DLGAP4: variants seen among roughly 807,000 people sequenced by gnomAD.
The protein encoded by DLGAP4 is disks large-associated protein 4.
A neutral mutation model predicts 86.9 loss-of-function variants in DLGAP4; 18 were observed. That is an observed-to-expected ratio of 0.21 (90% CI 0.14 to 0.31). The LOEUF (loss-of-function observed/expected upper bound fraction) is 0.31. Among genes scored for constraint, DLGAP4 ranks in the 10% least tolerant of loss-of-function variants. DLGAP4 has a pLI of 1.00. For missense variants in DLGAP4, 1,085 were observed against 1,362.6 expected (o/e 0.80, Z 3.21); for synonymous variants, 548 against 574.3 (o/e 0.95, Z 0.65).
chr20:36,354,803 G>T (rs545260216), intron 1 of DLGAP4, among the ~76,000 whole-genome samples: 1 of 152,016 alleles, frequency 6.6e-6, no homozygotes, highest in Non-Finnish European at 1.5e-5. Flanking sequence ...TTGGCCAGGC[G>T]TGGTGGCGTG....
At chr20:36,400,629 C>T (rs917642390) in intron 2 of DLGAP4, among the ~76,000 whole-genome samples, 10 of 152,020 alleles carry the variant, frequency 6.6e-5, no homozygotes, top group African/African-American at 2.4e-4. Flanking sequence ...AACATTGCAG[C>T]CCAACTCCTT....
At chr20:36,326,449 A>T (rs2065216528) in intron 1 of DLGAP4, among the ~76,000 whole-genome samples, 1 of 152,192 alleles carries the variant, frequency 6.6e-6, no homozygotes, top group Non-Finnish European at 1.5e-5. Context: ...CTTTCAAGTG[A>T]TATTATATCA....
intron 7 of DLGAP4, among the ~76,000 whole-genome samples, chr20:36,470,846 T>C (rs2147662440): frequency 6.6e-6 from 1 of 152,330 alleles, no homozygotes; most frequent in South Asian, 2.1e-4. Flanking sequence ...TGGCTTTCCA[T>C]TGACGGATAG....
At chr20:36,514,732 G>A (rs374821386) in intron 10 of DLGAP4, among the ~76,000 whole-genome samples, 8 of 152,158 alleles carry the variant, frequency 5.3e-5, no homozygotes, top group South Asian at 2.1e-4. Context: ...TTTTTTTAAT[G>A]GAGCAATATA....
chr20:36,519,018 G>C (rs756675589), intron 10 of DLGAP4, among the ~76,000 whole-genome samples: 11 of 151,944 alleles, frequency 7.2e-5, no homozygotes, highest in Non-Finnish European at 1.0e-4. Context: ...TTGGGAGACT[G>C]AGGCAGGAGA....
At chr20:36,473,281 C>T (rs2034757051) in intron 7 of DLGAP4, 1 of 152,248 alleles carries the variant, frequency 6.6e-6, no homozygotes, top group Non-Finnish European at 1.5e-5. Context: ...GTCCTGAAAG[C>T]CAAAGGATGG....
chr20:36,408,406 C>T (rs1448687158), intron 2 of DLGAP4, among the ~76,000 whole-genome samples: 3 of 152,258 alleles, frequency 2.0e-5, no homozygotes, highest in South Asian at 2.1e-4. Flanking sequence ...TGTTTATCCA[C>T]CAGCTCCCCA....
At chr20:36,478,249 CA>C (rs1017268689) in intron 7 of DLGAP4, among the ~76,000 whole-genome samples, 2 of 152,144 alleles carry the variant, frequency 1.3e-5, no homozygotes, top group Non-Finnish European at 2.9e-5. Flanking sequence ...CCCCTGGATA[CA>C]GCGTGAGGAG....
intron 1 of DLGAP4, among the ~76,000 whole-genome samples, chr20:36,340,053 C>T (rs1341951447): frequency 4.6e-5 from 7 of 152,094 alleles, no homozygotes; most frequent in African/African-American, 7.2e-5. Flanking sequence ...ATGATCTTGC[C>T]GCCCACATGA....
intron 6 of DLGAP4, 22 bp from the exon 7 acceptor site, chr20:36,446,675 A>G: frequency 6.3e-7 from 1 of 1,581,616 alleles, no homozygotes; most frequent in East Asian, 2.3e-5. Flanking sequence ...CAGCTCCCTC[A>G]TGCCTGCCTT....
At chr20:36,378,678 C>A (rs1337287745) in intron 2 of DLGAP4, among the ~76,000 whole-genome samples, 1 of 151,904 alleles carries the variant, frequency 6.6e-6, no homozygotes, top group Admixed American at 6.6e-5. Context: ...CCATCTGAGT[C>A]TGGAGTTGCC....
chr20:36,452,368 G>A (rs1213679772), intron 7 of DLGAP4, among the ~76,000 whole-genome samples: 2 of 151,936 alleles, frequency 1.3e-5, no homozygotes, highest in African/African-American at 4.8e-5. Flanking sequence ...TTGTAGAGAT[G>A]GGGTCTCCTT....
At chr20:36,412,313 C>G (rs948341812) in intron 2 of DLGAP4, among the ~76,000 whole-genome samples, 1 of 152,254 alleles carries the variant, frequency 6.6e-6, no homozygotes, top group Non-Finnish European at 1.5e-5. Flanking sequence ...GCAGCATGGA[C>G]AGCCTTTGCA....
intron 2 of DLGAP4, among the ~76,000 whole-genome samples, chr20:36,396,613 C>G (rs988561018): frequency 2.8e-5 from 4 of 143,678 alleles, no homozygotes; most frequent in Non-Finnish European, 6.1e-5. Context: ...CGCATACACA[C>G]CACAGACACA....
chr20:36,337,402 G>A (rs1462902866), intron 1 of DLGAP4, among the ~76,000 whole-genome samples: 2 of 152,198 alleles, frequency 1.3e-5, no homozygotes, highest in Admixed American at 6.5e-5. Flanking sequence ...GAAGGCTTCA[G>A]GTTGGGGATG....
intron 7 of DLGAP4, among the ~76,000 whole-genome samples, chr20:36,484,772 G>T (rs892152161): frequency 1.3e-5 from 2 of 152,242 alleles, no homozygotes; most frequent in African/African-American, 4.8e-5. Flanking sequence ...GCCCTAGAAG[G>T]AACAAGGAGG....
chr20:36,469,140 C>T (rs536038473), intron 7 of DLGAP4, among the ~76,000 whole-genome samples: 1 of 152,316 alleles, frequency 6.6e-6, no homozygotes, highest in African/African-American at 2.4e-5. Flanking sequence ...CTCACTGTGG[C>T]TGAGCTACTT....
At chr20:36,354,091 C>T (rs62213225) in intron 1 of DLGAP4, among the ~76,000 whole-genome samples, 31,741 of 152,114 alleles carry the variant, frequency 0.21, 4,334 homozygotes, top group Non-Finnish European at 0.31. Flanking sequence ...AGTTCTGTGC[C>T]GGCCGGCCTC....
chr20:36,384,156 G>C (rs2425236), intron 2 of DLGAP4, among the ~76,000 whole-genome samples: 82,883 of 151,812 alleles, frequency 0.55, 25,099 homozygotes, highest in South Asian at 0.82. Context: ...TGTTTGGGGT[G>C]CGGGGCACTC....
Sources: gnomAD v4.1 joint callset for allele counts (sites outside exome capture counted in the v4.1 genomes callset) on GRCh38, gnomAD v4.1.1 for gene constraint, MANE v1.5 for transcripts, NCBI Gene and HGNC (gene_info 2026-07-23, HGNC 2026-07-21) for gene names.